CTNNA2: variants seen among roughly 807,000 people sequenced by gnomAD.
CTNNA2 encodes the protein catenin alpha-2.
A neutral mutation model predicts 101.0 loss-of-function variants in CTNNA2; 42 were observed. The ratio of observed to expected loss-of-function variants is 0.42; its 90% CI spans 0.32 to 0.54. The LOEUF (loss-of-function observed/expected upper bound fraction) is 0.54, where lower values mean the gene tolerates loss of function less well. Among genes scored for constraint, CTNNA2 ranks in the 20% least tolerant of loss-of-function variants. CTNNA2 has a pLI of 0.14. For synonymous variants in CTNNA2, 450 were observed against 456.4 expected (o/e 0.99, Z 0.18); for missense variants, 871 against 1,223.1 (o/e 0.71, Z 4.29).
chr2:79,786,297 TAA>T (rs967905894), intron 3 of CTNNA2, among the ~76,000 whole-genome samples: 8 of 152,176 alleles, frequency 5.3e-5, no homozygotes, highest in East Asian at 3.9e-4. Context: ...AATTAAGATA[TAA>T]GTTTAATTTT....
At chr2:79,607,850 A>G (rs1342183528) in intron 1 of CTNNA2, among the ~76,000 whole-genome samples, 1 of 152,134 alleles carries the variant, frequency 6.6e-6, no homozygotes, top group African/African-American at 2.4e-5. Flanking sequence ...TTTCACCTTA[A>G]TAATCTAGAA....
chr2:79,454,036 G>T (rs1670786799), intron 4 of CTNNA2, among the ~76,000 whole-genome samples: 1 of 152,096 alleles, frequency 6.6e-6, no homozygotes, highest in Non-Finnish European at 1.5e-5. Flanking sequence ...AAGTTGCACA[G>T]GGGTCTGTCA....
chr2:80,348,074 G>C (rs1672935918), intron 7 of CTNNA2, among the ~76,000 whole-genome samples: 2 of 152,056 alleles, frequency 1.3e-5, no homozygotes, highest in Admixed American at 1.3e-4. Context: ...AGCAGAACCA[G>C]AATGCATCTC....
intron 7 of CTNNA2, among the ~76,000 whole-genome samples, chr2:80,036,416 T>A: frequency 6.6e-6 from 1 of 151,944 alleles, no homozygotes; most frequent in African/African-American, 2.4e-5. Flanking sequence ...AACATAGCAA[T>A]ACCCCATCTC....
Position 80,486,732 on chromosome 2 carries a change from A to G in CTNNA2, c.1291-58250A>G, listed in dbSNP as rs1267112059. 2.6e-5 allele frequency among the ~76,000 whole-genome samples: 4 copies of G among 152,150 alleles called. No individual in the cohort carries two copies. In the East Asian group the frequency reaches 7.7e-4, roughly 29 times the overall value. The stretch of plus-strand genomic sequence containing the variant: ...TGGTAAAATAATGCAGAGAGATCCT[A>G]TTTACCCTTTGTCCAACTTCCTCTA... On this transcript the variant is annotated intron_variant, in intron 9 of 18. Transcript: ENST00000402739.
chr2:79,687,495 T>A (rs942804101), intron 2 of CTNNA2: 1 of 572,890 alleles, frequency 1.7e-6, no homozygotes, highest in Non-Finnish European at 3.2e-6. Context: ...CATTTTTATT[T>A]GCATTACCCA....
intron 9 of CTNNA2, among the ~76,000 whole-genome samples, chr2:80,543,200 A>G (rs1691731350): frequency 6.6e-6 from 1 of 152,328 alleles, no homozygotes; most frequent in East Asian, 1.9e-4. Flanking sequence ...GAACCAGAAT[A>G]TAGAATACAG....
At chr2:79,571,387 G>T in intron 1 of CTNNA2, among the ~76,000 whole-genome samples, 1 of 152,124 alleles carries the variant, frequency 6.6e-6, no homozygotes, top group Non-Finnish European at 1.5e-5. Flanking sequence ...CCCTTTAAAT[G>T]ATCCCTGATA....
At chr2:80,437,269 C>T (rs976050526) in intron 9 of CTNNA2, among the ~76,000 whole-genome samples, 4 of 152,204 alleles carry the variant, frequency 2.6e-5, no homozygotes, top group South Asian at 2.1e-4. Context: ...TTTGGAGATT[C>T]GCAACGTACT....
intron 3 of CTNNA2, among the ~76,000 whole-genome samples, chr2:79,796,355 G>C (rs1483744124): frequency 1.4e-5 from 2 of 141,248 alleles, no homozygotes; most frequent in African/African-American, 5.5e-5. Flanking sequence ...CGATTGCGCC[G>C]CTGCATTCCA....
In CTNNA2 at chr2:79,773,352, C is replaced by T. The variant is rs570629725; in HGVS notation, c.298+28770C>T. The stretch of plus-strand genomic sequence containing the variant: ...TCAGGAGGTCCTGATGACATGTGCC[C>T]AAGGTGGTTAGGGCTCAGCTTAGTT... On this transcript the variant is annotated intron_variant, in intron 3 of 18. Coordinates refer to ENST00000402739, the MANE Select transcript of CTNNA2 (RefSeq NM_001282597.3). 4.6e-5 allele frequency among the ~76,000 whole-genome samples: 7 copies of T among 152,212 alleles called. No individual in the cohort carries two copies. The South Asian group carries it at 1.2e-3, about 27-fold the overall frequency.
chr2:80,041,692 G>A (rs1696068288), intron 7 of CTNNA2, among the ~76,000 whole-genome samples: 1 of 152,092 alleles, frequency 6.6e-6, no homozygotes, highest in Admixed American at 6.6e-5. Context: ...TTTATAGAAT[G>A]GATAATACAT....
chr2:79,480,766 A>T (rs1671101102), intron 4 of CTNNA2, among the ~76,000 whole-genome samples: 1 of 152,126 alleles, frequency 6.6e-6, no homozygotes, highest in Non-Finnish European at 1.5e-5. Flanking sequence ...ATGACCATAT[A>T]ATCTCTTTGA....
At chr2:79,189,026 C>T (rs954735606) in intron 1 of CTNNA2, among the ~76,000 whole-genome samples, 6 of 152,054 alleles carry the variant, frequency 3.9e-5, no homozygotes, top group Middle Eastern at 3.2e-3. Flanking sequence ...TGACACATTG[C>T]GTATGTTTAA....
rs567341860 is a variant in CTNNA2 at position 79,536,902 on chromosome 2, G to A, written c.-6+23695G>A. Among the ~76,000 whole-genome samples, 32 of 152,062 alleles carry A rather than the reference G, an allele frequency of 2.1e-4. No individual in the cohort carries two copies. The South Asian group carries it at 5.4e-3, about 26-fold the overall frequency. ...ATTTTAGTAGAGACGGGGTTTCAGCGTGTTGCCCAGGCTGGGCTCGAACTC... is the reference window on the plus strand; with the variant it reads ...ATTTTAGTAGAGACGGGGTTTCAGCATGTTGCCCAGGCTGGGCTCGAACTC... On this transcript the variant is annotated intron_variant, in intron 1 of 18. Coordinates refer to ENST00000402739, the MANE Select transcript of CTNNA2 (RefSeq NM_001282597.3).
chr2:79,792,244 T>C (rs1362742521), intron 3 of CTNNA2, among the ~76,000 whole-genome samples: 2 of 152,198 alleles, frequency 1.3e-5, no homozygotes, highest in Middle Eastern at 3.2e-3. Context: ...GTACTCTTTG[T>C]ACCTGACTAG....
intron 7 of CTNNA2, among the ~76,000 whole-genome samples, chr2:80,319,585 T>C (rs1209785221): frequency 1.3e-5 from 2 of 152,208 alleles, no homozygotes; most frequent in South Asian, 2.1e-4. Context: ...TCAGAATCTC[T>C]AAGGGCTGAA....
intron 7 of CTNNA2, among the ~76,000 whole-genome samples, chr2:80,041,234 T>A (rs1696033236): frequency 6.6e-6 from 1 of 152,020 alleles, no homozygotes; most frequent in Admixed American, 6.6e-5. Flanking sequence ...TTTATAATCA[T>A]AGAGGAAGGT....
chr2:80,470,315 A>G (rs1349095297), intron 9 of CTNNA2, among the ~76,000 whole-genome samples: 4 of 152,258 alleles, frequency 2.6e-5, no homozygotes, highest in Admixed American at 2.0e-4. Context: ...GCCCCCTTAT[A>G]GGGCAACACA....
Sources: gnomAD v4.1 joint callset for allele counts (sites outside exome capture counted in the v4.1 genomes callset) on GRCh38, gnomAD v4.1.1 for gene constraint, MANE v1.5 for transcripts, NCBI Gene and HGNC (gene_info 2026-07-23, HGNC 2026-07-21) for gene names.